RSPH14: variants seen among roughly 807,000 people sequenced by gnomAD.
RSPH14 encodes the protein radial spoke head 14 homolog.
A neutral mutation model predicts 26.7 loss-of-function variants in RSPH14; 20 were observed. The ratio of observed to expected loss-of-function variants is 0.75; its 90% CI spans 0.53 to 1.09. The LOEUF (loss-of-function observed/expected upper bound fraction) is 1.09, where lower values mean the gene tolerates loss of function less well. Among genes scored for constraint, RSPH14 ranks in the 50% least tolerant of loss-of-function variants. RSPH14 has a pLI of 0.00. For missense variants in RSPH14, 449 were observed against 457.2 expected (o/e 0.98, Z 0.16); for synonymous variants, 177 against 189.3 (o/e 0.93, Z 0.53).
the RSPH14 span, chr22:23,152,654 C>T: frequency 1.1e-6 from 1 of 896,916 alleles, no homozygotes; most frequent in Non-Finnish European, 1.8e-6. Flanking sequence ...TGTGCCTCAG[C>T]CTGCTGGGAG....
At position 23,115,296 on chromosome 22, in the gene RSPH14, G is replaced by A. The variant is rs115028464; in HGVS notation, c.421+18730C>T. ...TGTGACAAGGCTCTGAGCTGATGGTGTACGTTCAGCCTGAGTAGGTGTTTG... is the reference window on the plus strand; with the variant it reads ...TGTGACAAGGCTCTGAGCTGATGGTATACGTTCAGCCTGAGTAGGTGTTTG... On this transcript the variant is annotated intron_variant, in intron 4 of 6. Coordinates refer to ENST00000216036, the MANE Select transcript of RSPH14 (RefSeq NM_014433.3). 2.9e-3 allele frequency among the ~76,000 whole-genome samples: 445 copies of A among 152,324 alleles called. 2 individuals carry two copies. Among genetic ancestry groups the A allele is most frequent in the African/African-American group, 0.01 (425 of 41,564 alleles).
chr22:23,147,056 G>T (rs1056428054), upstream of RSPH14, among the ~76,000 whole-genome samples: 1 of 152,166 alleles, frequency 6.6e-6, no homozygotes, highest in Non-Finnish European at 1.5e-5. Context: ...CTCATGGTAT[G>T]CAGGAGCTCC....
chr22:23,125,572 C>T (rs918474402), intron 4 of RSPH14, among the ~76,000 whole-genome samples: 4 of 152,194 alleles, frequency 2.6e-5, no homozygotes, highest in East Asian at 1.9e-4. Flanking sequence ...CAGAAGTCAA[C>T]GGAGTGCATT....
At chr22:23,096,484 C>T (rs959515997) in intron 4 of RSPH14, 6 of 1,501,620 alleles carry the variant, frequency 4.0e-6, no homozygotes, top group Middle Eastern at 1.7e-4. Flanking sequence ...AGCAAGAGGA[C>T]TCGTGAGGTC....
At chr22:23,090,001 G>A (rs1052821050) in intron 4 of RSPH14, among the ~76,000 whole-genome samples, 2 of 152,084 alleles carry the variant, frequency 1.3e-5, no homozygotes, top group East Asian at 1.9e-4. Context: ...GCCCTATGTC[G>A]CACTAAGTCC....
At chr22:23,160,989 G>C in the RSPH14 span, 2 of 1,610,430 alleles carry the variant, frequency 1.2e-6, no homozygotes, top group East Asian at 4.5e-5. Context: ...CGGCAATGGA[G>C]ACCTAATCCG....
rs998079464 is a variant in RSPH14, at chr22:23,071,420, T to A, written c.422-7287A>T. On this transcript the variant is annotated intron_variant, in intron 4 of 6. Transcript: ENST00000216036. The surrounding 1 kb of genome is among the most constrained non-coding windows in gnomAD (Gnocchi z 4.1). ...GCGTTCCGCGTAGTCCGTGTTGGGG[T>A]GGAGGGACCCGCCTGGTAGAGAGGT... is the stretch of plus-strand genomic sequence containing the variant. Among the ~76,000 whole-genome samples the A allele has an allele frequency of 1.3e-5, 2 of 152,074 alleles. No homozygotes were observed. Among genetic ancestry groups the A allele is most frequent in the Non-Finnish European group, 2.9e-5 (2 of 67,986 alleles).
intron 4 of RSPH14, among the ~76,000 whole-genome samples, chr22:23,127,995 G>T (rs2070226808): frequency 6.6e-6 from 1 of 152,080 alleles, no homozygotes; most frequent in Non-Finnish European, 1.5e-5. Flanking sequence ...CACACGTGTG[G>T]AGTCAGGGTC....
intron 4 of RSPH14, among the ~76,000 whole-genome samples, chr22:23,076,839 C>T (rs1039363304): frequency 5.3e-5 from 8 of 152,332 alleles, no homozygotes; most frequent in Middle Eastern, 3.4e-3. Context: ...GCCTCTCAGG[C>T]CAGTAGAGGA....
intron 4 of RSPH14, among the ~76,000 whole-genome samples, chr22:23,065,430 A>C (rs2068185617): frequency 6.7e-6 from 1 of 149,416 alleles, no homozygotes. Flanking sequence ...CAGATGGAGC[A>C]GCTAGATCTG....
At chr22:23,153,007 T>C in the RSPH14 span, 1 of 1,546,682 alleles carries the variant, frequency 6.5e-7, no homozygotes. Flanking sequence ...AGTACACCCC[T>C]GTGACGACTT....
intron 4 of RSPH14, among the ~76,000 whole-genome samples, chr22:23,126,164 TTAATC>T (rs2070177942): frequency 6.6e-6 from 1 of 152,214 alleles, no homozygotes; most frequent in African/African-American, 2.4e-5. Context: ...GTGAGCATCT[TTAATC>T]TAAAAATACA....
At position 23,062,579 on chromosome 22, in the gene RSPH14, C is replaced by T. The variant is rs1002085043; in HGVS notation, c.654-634G>A. On this transcript the variant is annotated intron_variant, in intron 5 of 6. Coordinates refer to ENST00000216036, the MANE Select transcript of RSPH14 (RefSeq NM_014433.3). ...GTGTCACTTAGTTTAATCAACCTTTCCCAAATGTAGCCACCAAAGAACCCT... is the reference window on the plus strand; with the variant it reads ...GTGTCACTTAGTTTAATCAACCTTTTCCAAATGTAGCCACCAAAGAACCCT... Among the ~76,000 whole-genome samples the T allele has an allele frequency of 3.9e-5, 6 of 152,354 alleles. 1 individual carries two copies. The South Asian group carries it at 6.2e-4, about 16-fold the overall frequency.
At chr22:23,140,579 T>G (rs2070578887) in intron 1 of RSPH14, 107 bp from the exon 2 acceptor site, 3 of 1,270,964 alleles carry the variant, frequency 2.4e-6, no homozygotes, top group Admixed American at 5.6e-5. Flanking sequence ...TTTACTTTCA[T>G]TTTACAGATG....
intron 4 of RSPH14, among the ~76,000 whole-genome samples, chr22:23,130,131 GAAAGAAAGAAAGAAAGAAAGAAAGAA>G (rs2070308088): frequency 9.6e-6 from 1 of 103,684 alleles, no homozygotes; most frequent in Non-Finnish European, 2.1e-5. Flanking sequence ...AAGAAAGAAA[GAAAGAAAGAAAGAAAGAAAGAAAGAA>G]AGAAAAAGAA....
chr22:23,180,629 GAGGCGAGGAGCGCGCGGGC>G, the RSPH14 span: 15 of 167,608 alleles, frequency 8.9e-5, no homozygotes. Context: ...GCGGAAGCGA[GAGGCGAGGAGCGCGCGGGC>G]CGTGGCCAGA....
chr22:23,175,000 AT>A, the RSPH14 span, among the ~76,000 whole-genome samples: 32,407 of 144,736 alleles, frequency 0.22, 4,033 homozygotes, highest in East Asian at 0.34. Flanking sequence ...TAAAAAAAAA[AT>A]TTTTTTTTTT....
At chr22:23,130,496 A>AAGAAAGAAAGAAAGAAAGAAAGAG (rs67156030) in intron 4 of RSPH14, among the ~76,000 whole-genome samples, 1 of 110,692 alleles carries the variant, frequency 9.0e-6, no homozygotes, top group Non-Finnish European at 1.8e-5. Flanking sequence ...GAAGGAAAGA[A>AAGAAAGAAAGAAAGAAAGAAAGAG]AAAGAAAGAA....
intron 2 of RSPH14, 63 bp downstream of exon 2, chr22:23,140,159 T>C (rs776838231): frequency 5.2e-5 from 83 of 1,596,268 alleles, no homozygotes; most frequent in Non-Finnish European, 6.9e-5. Flanking sequence ...ACTGAAGTTC[T>C]ACCCAGTGCC....
Sources: gnomAD v4.1 joint callset for allele counts (sites outside exome capture counted in the v4.1 genomes callset) on GRCh38, gnomAD v4.1.1 for gene constraint, Gnocchi (gnomAD v3.1) non-coding constraint, MANE v1.5 for transcripts, NCBI Gene and HGNC (gene_info 2026-07-23, HGNC 2026-07-21) for gene names.